EVL: variants seen among roughly 807,000 people sequenced by gnomAD.
The protein encoded by EVL is ena/VASP-like protein.
EVL carries 21 observed loss-of-function variants against 59.6 expected under a neutral mutation model. The observed-to-expected ratio is 0.35, with a 90% CI of 0.25 to 0.51. The LOEUF (loss-of-function observed/expected upper bound fraction) is 0.51. Among genes scored for constraint, EVL ranks in the 20% least tolerant of loss-of-function variants. EVL has a pLI of 0.97. For synonymous variants in EVL, 198 were observed against 203.5 expected, an observed-to-expected ratio of 0.97 and a Z score of 0.23; for missense variants, 462 against 546.6, an observed-to-expected ratio of 0.85 and a Z score of 1.54.
In EVL at chr14:100,014,792, A is replaced by G. The variant is rs181712045; in HGVS notation, c.5+42735A>G. 2.6e-4 allele frequency among the ~76,000 whole-genome samples: 40 copies of G among 152,304 alleles called. No individual in the cohort carries two copies. The East Asian group carries it at 7.7e-3, about 29-fold the overall frequency. The stretch of plus-strand genomic sequence containing the variant: ...TCAGGTAGAGGCTAGAAGGGTCTTA[A>G]TTAGGGTTGTAGAAGTGAAACCAGG... On this transcript the variant is annotated intron_variant, in intron 1 of 13. Transcript: ENST00000402714.
At chr14:100,037,916 T>A (rs1261183018) in intron 1 of EVL, among the ~76,000 whole-genome samples, 1 of 152,244 alleles carries the variant, frequency 6.6e-6, no homozygotes, top group African/African-American at 2.4e-5. Flanking sequence ...GAGAACTGTA[T>A]TAACAATATG....
At chr14:100,044,521 A>C (rs549045031) in intron 1 of EVL, among the ~76,000 whole-genome samples, 1 of 152,324 alleles carries the variant, frequency 6.6e-6, no homozygotes, top group African/African-American at 2.4e-5. Context: ...TCTGCCGGGC[A>C]CTGGGGAAGA....
intron 1 of EVL, among the ~76,000 whole-genome samples, chr14:100,051,396 T>C (rs989853261): frequency 2.6e-5 from 4 of 152,222 alleles, no homozygotes; most frequent in Admixed American, 2.6e-4. Flanking sequence ...ACTGGGGGCC[T>C]TGGAACATAT....
At chr14:100,065,130 G>A (rs2061903859), upstream of EVL, 1 of 160,024 alleles carries the variant, frequency 6.2e-6, no homozygotes, top group South Asian at 2.0e-4. Context: ...TTAGTGGGGG[G>A]CCAGCACCAT....
chr14:100,087,089 G>T (rs1022733521), intron 2 of EVL, among the ~76,000 whole-genome samples: 2 of 152,144 alleles, frequency 1.3e-5, no homozygotes, highest in African/African-American at 4.8e-5. Context: ...CATGTTTAAT[G>T]CTCTTTATGG....
rs149667204 is a variant in EVL at position 100,033,992 on chromosome 14, G to A, written c.6-50695G>A. Among the ~76,000 whole-genome samples, 199 of 152,178 alleles carry A rather than the reference G, an allele frequency of 1.3e-3. 1 individual carries two copies. The highest frequency in any genetic ancestry group is 4.6e-3 in the African/African-American group (190 of 41,512). On this transcript the variant is annotated intron_variant, in intron 1 of 13. Transcript: ENST00000402714. ...TGTAATCCCAGAACTTCAGGAGGCCGAGGTGGGCGGATCACCTGAGGTCAG... is the reference window on the plus strand; with the variant it reads ...TGTAATCCCAGAACTTCAGGAGGCCAAGGTGGGCGGATCACCTGAGGTCAG...
chr14:100,026,203 A>T (rs2061208519), intron 1 of EVL, among the ~76,000 whole-genome samples: 1 of 151,020 alleles, frequency 6.6e-6, no homozygotes, highest in Non-Finnish European at 1.5e-5. Context: ...GTGAGCCAAG[A>T]TCATGCCACT....
chr14:100,074,119 C>T (rs532093681), intron 1 of EVL, among the ~76,000 whole-genome samples: 19 of 152,296 alleles, frequency 1.2e-4, no homozygotes, highest in African/African-American at 4.6e-4. Flanking sequence ...GGAGCGGGCC[C>T]TCAGTGACCT....
intron 3 of EVL, among the ~76,000 whole-genome samples, chr14:100,101,713 A>C (rs72711946): frequency 0.031 from 4,719 of 152,348 alleles, 87 homozygotes; most frequent in African/African-American, 0.05. Flanking sequence ...GCATGACTAT[A>C]CTGGTTTACA....
At chr14:100,019,655 T>C in intron 1 of EVL, 1 of 1,533,166 alleles carries the variant, frequency 6.5e-7, no homozygotes, top group Non-Finnish European at 8.7e-7. Flanking sequence ...AAATTGTCTC[T>C]GACTAGGTCA....
intron 3 of EVL, among the ~76,000 whole-genome samples, chr14:100,120,082 G>T (rs914788932): frequency 2.0e-5 from 3 of 152,212 alleles, no homozygotes; most frequent in African/African-American, 7.2e-5. Flanking sequence ...ACTTTAGTTT[G>T]TCCCTAAGGC....
chr14:100,045,308 G>A (rs1043051599), intron 1 of EVL, among the ~76,000 whole-genome samples: 1 of 152,026 alleles, frequency 6.6e-6, no homozygotes, highest in African/African-American at 2.4e-5. Context: ...GTAATCCAAG[G>A]GCCCTCCTGT....
At chr14:100,042,921 T>C (rs1189574994) in intron 1 of EVL, among the ~76,000 whole-genome samples, 3 of 152,174 alleles carry the variant, frequency 2.0e-5, no homozygotes, top group Non-Finnish European at 4.4e-5. Context: ...ATATAAGCCC[T>C]GAGTCTGGTG....
At chr14:100,033,602 TATA>T (rs2061345765) in intron 1 of EVL, among the ~76,000 whole-genome samples, 1 of 152,252 alleles carries the variant, frequency 6.6e-6, no homozygotes, top group Admixed American at 6.5e-5. Flanking sequence ...GTTTGTTTTA[TATA>T]ATGTTTTATT....
chr14:100,117,289 C>T (rs1004566672), intron 3 of EVL, among the ~76,000 whole-genome samples: 2 of 152,208 alleles, frequency 1.3e-5, no homozygotes, highest in African/African-American at 2.4e-5. Flanking sequence ...CCCGGTGCCA[C>T]GTGGATGGGC....
intron 1 of EVL, among the ~76,000 whole-genome samples, chr14:100,070,872 G>A (rs1031708227): frequency 2.0e-5 from 3 of 152,236 alleles, no homozygotes; most frequent in Admixed American, 2.0e-4. Context: ...TGAAGACACA[G>A]AGCAAAATAT....
chr14:100,015,400 C>T (rs757641108), intron 1 of EVL, among the ~76,000 whole-genome samples: 13 of 152,168 alleles, frequency 8.5e-5, no homozygotes, highest in Admixed American at 3.3e-4. Context: ...TTTGTATCAG[C>T]GTCTCCATGT....
At chr14:99,991,545 T>G (rs1392332171) in intron 1 of EVL, among the ~76,000 whole-genome samples, 6 of 152,218 alleles carry the variant, frequency 3.9e-5, no homozygotes, top group Non-Finnish European at 8.8e-5. Flanking sequence ...TTTCAGCGAT[T>G]GAGAATTACT....
At chr14:99,975,549 T>TG (rs1344290741) in intron 1 of EVL, among the ~76,000 whole-genome samples, 1 of 152,134 alleles carries the variant, frequency 6.6e-6, no homozygotes, top group African/African-American at 2.4e-5. Context: ...AATTTTTCCT[T>TG]GGGGGGTTAG....
Sources: gnomAD v4.1 joint callset for allele counts (sites outside exome capture counted in the v4.1 genomes callset) on GRCh38, gnomAD v4.1.1 for gene constraint, MANE v1.5 for transcripts, NCBI Gene and HGNC (gene_info 2026-07-23, HGNC 2026-07-21) for gene names.